Variants in AKT3 observed in about 807,000 individuals in gnomAD.
AKT3 encodes AKT serine/threonine kinase 3.
Under a neutral mutation model 65.3 loss-of-function variants are expected in AKT3, and 15 were observed. That is an observed-to-expected ratio of 0.23 (90% CI 0.15 to 0.35). The LOEUF (loss-of-function observed/expected upper bound fraction) is 0.35. AKT3 is among the 10% of genes least tolerant of loss of function. AKT3 has a pLI of 1.00. For missense variants in AKT3, 243 were observed against 576.5 expected, an observed-to-expected ratio of 0.42 and a Z score of 5.92; for synonymous variants, 206 against 183.8, an observed-to-expected ratio of 1.12 and a Z score of -0.98.
At chr1:243,772,461 G>T (rs940464058) in intron 2 of AKT3, among the ~76,000 whole-genome samples, 1 of 152,188 alleles carries the variant, frequency 6.6e-6, no homozygotes. Flanking sequence ...GGCCATCAGA[G>T]AACTGCAAAT....
At chr1:243,549,047 C>T (rs544072197) in intron 11 of AKT3, among the ~76,000 whole-genome samples, 1 of 152,250 alleles carries the variant, frequency 6.6e-6, no homozygotes, top group Non-Finnish European at 1.5e-5. Context: ...GTCCTAGGCC[C>T]TCTTCTCCTT....
rs371326190 is a variant in AKT3, at chr1:243,642,513, G to T, written c.429+3380C>A. Among the ~76,000 whole-genome samples, 531 of 152,204 alleles carry T rather than the reference G, an allele frequency of 3.5e-3. 6 individuals are homozygous for T. Among genetic ancestry groups the T allele is most frequent in the African/African-American group, 0.012 (496 of 41,496 alleles). On this transcript the variant is annotated intron_variant, in intron 5 of 13. Coordinates refer to ENST00000673466, the MANE Select transcript of AKT3 (RefSeq NM_005465.7). ...TTTAGTAGAGACGGGGTTTCACCGT[G>T]TTAGCCAGGATGGTCTCGATCTCCT...
At chr1:243,671,073 G>C (rs892238373) in intron 3 of AKT3, among the ~76,000 whole-genome samples, 18 of 149,692 alleles carry the variant, frequency 1.2e-4, no homozygotes, top group African/African-American at 4.4e-4. Context: ...CATAATAATA[G>C]ATTCCTTTTT....
At chr1:243,848,518 T>A (rs768991799) in intron 1 of AKT3, among the ~76,000 whole-genome samples, 2 of 152,240 alleles carry the variant, frequency 1.3e-5, no homozygotes, top group African/African-American at 4.8e-5. Flanking sequence ...TTTATTAGAC[T>A]CTTCCACCTT....
downstream of AKT3, among the ~76,000 whole-genome samples, chr1:243,496,536 G>A (rs967842824): frequency 6.6e-6 from 1 of 152,176 alleles, no homozygotes; most frequent in African/African-American, 2.4e-5. Context: ...CCAGTGAGCA[G>A]AGCGGACAGC....
chr1:243,741,153 T>A (rs1688130367), intron 2 of AKT3, among the ~76,000 whole-genome samples: 1 of 152,186 alleles, frequency 6.6e-6, no homozygotes, highest in Non-Finnish European at 1.5e-5. Flanking sequence ...TCCAGCCTAG[T>A]TCTTCAAAGA....
intron 12 of AKT3, among the ~76,000 whole-genome samples, chr1:243,538,135 G>T (rs891274540): frequency 1.3e-5 from 2 of 152,058 alleles, no homozygotes; most frequent in African/African-American, 4.8e-5. Flanking sequence ...ATGTATTGTG[G>T]TGTTTATTAA....
intron 2 of AKT3, among the ~76,000 whole-genome samples, chr1:243,798,393 A>ATTTTTTTTTTTTTTTTTTTT (rs759264137): frequency 3.6e-5 from 3 of 83,310 alleles, no homozygotes; most frequent in Non-Finnish European, 6.4e-5. Context: ...CTAATTTTTA[A>ATTTTTTTTTTTTTTTTTTTT]TTTTTTTTTT....
intron 2 of AKT3, among the ~76,000 whole-genome samples, chr1:243,798,398 T>TTA (rs1290178530): frequency 8.0e-6 from 1 of 124,460 alleles, no homozygotes; most frequent in Non-Finnish European, 1.7e-5. Flanking sequence ...TTTTAATTTT[T>TTA]TTTTTTTTTT....
intron 2 of AKT3, among the ~76,000 whole-genome samples, chr1:243,824,240 T>A (rs914430348): frequency 7.9e-5 from 12 of 151,976 alleles, no homozygotes; most frequent in Non-Finnish European, 7.4e-5. Context: ...CTTCCTTACA[T>A]CATATACAAA....
chr1:243,754,650 C>T (rs1381449041), intron 2 of AKT3, among the ~76,000 whole-genome samples: 1 of 152,134 alleles, frequency 6.6e-6, no homozygotes, highest in African/African-American at 2.4e-5. Flanking sequence ...GAGTGCGAAC[C>T]CTATTGTGAA....
intron 2 of AKT3, chr1:243,740,801 T>TA (rs1195999539): frequency 1.3e-5 from 2 of 152,218 alleles, no homozygotes; most frequent in African/African-American, 4.8e-5. Context: ...CTTGGACTTT[T>TA]ATCATTAGTA....
At chr1:243,754,508 C>T (rs1688998896) in intron 2 of AKT3, among the ~76,000 whole-genome samples, 1 of 152,104 alleles carries the variant, frequency 6.6e-6, no homozygotes, top group Admixed American at 6.6e-5. Flanking sequence ...AGTGCAGGGT[C>T]CCCACCCCTG....
At chr1:243,499,723 C>A (rs760595628), downstream of AKT3, 1 of 1,536,464 alleles carries the variant, frequency 6.5e-7, no homozygotes, top group South Asian at 1.1e-5. Context: ...AGAACATGAG[C>A]TATTGAAACT....
intron 2 of AKT3, among the ~76,000 whole-genome samples, chr1:243,832,303 T>C (rs1177381904): frequency 1.3e-5 from 2 of 152,116 alleles, no homozygotes; most frequent in East Asian, 3.8e-4. Flanking sequence ...GTACTCATAA[T>C]TTCTGATAAA....
chr1:243,585,828 T>G (rs1362066573), intron 8 of AKT3, among the ~76,000 whole-genome samples: 1 of 152,072 alleles, frequency 6.6e-6, no homozygotes, highest in African/African-American at 2.4e-5. Flanking sequence ...ACATTGGCAC[T>G]GGAAAAAATT....
At chr1:243,767,776 T>C (rs1031812823) in intron 2 of AKT3, among the ~76,000 whole-genome samples, 5 of 152,168 alleles carry the variant, frequency 3.3e-5, no homozygotes, top group Admixed American at 2.0e-4. Flanking sequence ...GATGATTACA[T>C]GGGTGCTGAT....
chr1:243,843,706 C>T (rs1288710637), intron 1 of AKT3: 7 of 441,176 alleles, frequency 1.6e-5, no homozygotes, highest in Non-Finnish European at 2.1e-5. Context: ...GGCTGGAGTA[C>T]AGTGGCGCGA....
intron 11 of AKT3, among the ~76,000 whole-genome samples, 189 bp from the exon 12 acceptor site, chr1:243,545,786 A>G (rs1672625103): frequency 6.6e-6 from 1 of 152,220 alleles, no homozygotes; most frequent in Non-Finnish European, 1.5e-5. Flanking sequence ...CTAGCTTCAG[A>G]ACAGTATGGT....
Sources: gnomAD v4.1 joint callset for allele counts (sites outside exome capture counted in the v4.1 genomes callset) on GRCh38, gnomAD v4.1.1 for gene constraint, MANE v1.5 for transcripts, NCBI Gene and HGNC (gene_info 2026-07-23, HGNC 2026-07-21) for gene names.